The following DOK6 variants were observed in gnomAD, a reference collection of about 807,000 sequenced individuals.
The protein encoded by DOK6 is downstream of tyrosine kinase 6.
DOK6 carries 22 observed loss-of-function variants against 44.0 expected under a neutral mutation model. The ratio of observed to expected loss-of-function variants is 0.50; its 90% CI spans 0.36 to 0.71. The LOEUF (loss-of-function observed/expected upper bound fraction) is 0.71. DOK6 is among the 30% of genes least tolerant of loss of function. The pLI, the probability that DOK6 is intolerant of heterozygous loss-of-function variation, is 0.00. For synonymous variants in DOK6, 166 were observed against 145.5 expected (o/e 1.14, Z -1.01); for missense variants, 340 against 416.4 (o/e 0.82, Z 1.60).
chr18:69,730,251 T>A (rs1052508255), intron 5 of DOK6, among the ~76,000 whole-genome samples: 1 of 152,218 alleles, frequency 6.6e-6, no homozygotes, highest in South Asian at 2.1e-4. Context: ...CCAGCCTCTA[T>A]AGGTTTTATT....
rs181589324 is a variant in DOK6 at position 69,733,354 on chromosome 18, A to C, written c.600-5611A>C. On this transcript the variant is annotated intron_variant, in intron 5 of 7. Coordinates refer to ENST00000382713, the MANE Select transcript of DOK6 (RefSeq NM_152721.6). ...TAGTAGGTTTTGTACATTCTTCCAGAGTTTAATGTACATACATGCAAAGAT... is the reference window on the plus strand; with the variant it reads ...TAGTAGGTTTTGTACATTCTTCCAGCGTTTAATGTACATACATGCAAAGAT... 4.6e-3 allele frequency among the ~76,000 whole-genome samples: 706 copies of C among 152,324 alleles called. 5 individuals carry two copies. The highest frequency in any genetic ancestry group is 0.016 in the African/African-American group (677 of 41,576).
At chr18:69,719,791 G>C (rs976092394) in intron 5 of DOK6, among the ~76,000 whole-genome samples, 1 of 152,152 alleles carries the variant, frequency 6.6e-6, no homozygotes, top group Non-Finnish European at 1.5e-5. Context: ...AGCAAATATG[G>C]TGTCAGCTAT....
chr18:69,835,750 G>T (rs1982037074), intron 7 of DOK6, among the ~76,000 whole-genome samples: 2 of 152,106 alleles, frequency 1.3e-5, no homozygotes, highest in Admixed American at 6.6e-5. Flanking sequence ...AGATGACTTT[G>T]TTATTTATTT....
chr18:69,729,955 CAT>C (rs1310744705), intron 5 of DOK6, among the ~76,000 whole-genome samples: 3 of 151,930 alleles, frequency 2.0e-5, no homozygotes, highest in African/African-American at 4.8e-5. Context: ...ACAAAAGAAA[CAT>C]ATGTTAAGAT....
Position 69,843,763 on chromosome 18 carries a change from A to G in DOK6, c.*2380A>G, listed in dbSNP as rs908649812. The G allele has an allele frequency of 2.0e-5, 3 of 152,236 alleles. No homozygotes were observed. Among genetic ancestry groups the G allele is most frequent in the Non-Finnish European group, 2.9e-5 (2 of 68,036 alleles). 9.4% of individuals were successfully genotyped at this position (152,236 alleles called of 1,614,324 possible). On this transcript the variant is annotated 3_prime_UTR_variant, in exon 8 of 8. Coordinates refer to ENST00000382713, the MANE Select transcript of DOK6 (RefSeq NM_152721.6). ...TCATTCTGAAAATGATGTCGTAAAA[A>G]GAGTATGTGTGAGAGAAATCTCCTT... is the stretch of plus-strand genomic sequence containing the variant.
intron 5 of DOK6, among the ~76,000 whole-genome samples, chr18:69,732,880 C>T (rs777195481): frequency 2.6e-5 from 4 of 152,152 alleles, no homozygotes; most frequent in Non-Finnish European, 4.4e-5. Context: ...ATTCTCACAC[C>T]GCTAAGAAGA....
chr18:69,586,558 C>T (rs995950759), intron 2 of DOK6, among the ~76,000 whole-genome samples: 4 of 152,178 alleles, frequency 2.6e-5, no homozygotes, highest in Non-Finnish European at 5.9e-5. Flanking sequence ...CCCATCTGAA[C>T]GTTTGAATGA....
intron 1 of DOK6, among the ~76,000 whole-genome samples, chr18:69,512,686 T>C (rs920282922): frequency 6.6e-6 from 1 of 152,120 alleles, no homozygotes; most frequent in African/African-American, 2.4e-5. Flanking sequence ...TCGTTTTTAA[T>C]AGTGGGGGTG....
At chr18:69,614,744 C>T (rs1249954116) in intron 3 of DOK6, among the ~76,000 whole-genome samples, 1 of 151,260 alleles carries the variant, frequency 6.6e-6, no homozygotes, top group Non-Finnish European at 1.5e-5. Context: ...GTGAATGGAG[C>T]CTACTGTAAA....
intron 7 of DOK6, among the ~76,000 whole-genome samples, chr18:69,838,251 A>C (rs1284754243): frequency 6.6e-6 from 1 of 151,832 alleles, no homozygotes; most frequent in Non-Finnish European, 1.5e-5. Flanking sequence ...AAAAAAAAAA[A>C]AACAGGATAA....
intron 1 of DOK6, among the ~76,000 whole-genome samples, chr18:69,409,448 T>C (rs538779695): frequency 3.3e-5 from 5 of 152,356 alleles, no homozygotes; most frequent in East Asian, 1.9e-4. Context: ...TGTACACACA[T>C]ATATACATAT....
At chr18:69,449,609 G>T (rs981531648) in intron 1 of DOK6, among the ~76,000 whole-genome samples, 7 of 152,196 alleles carry the variant, frequency 4.6e-5, no homozygotes, top group Admixed American at 1.3e-4. Flanking sequence ...TGGGGGCAGG[G>T]CACAGACAAA....
chr18:69,826,329 A>C (rs1981739545), intron 7 of DOK6, among the ~76,000 whole-genome samples: 1 of 152,230 alleles, frequency 6.6e-6, no homozygotes, highest in South Asian at 2.1e-4. Flanking sequence ...AACATGGACC[A>C]GAATATTGTA....
At chr18:69,557,759 C>T (rs1472578045) in intron 1 of DOK6, among the ~76,000 whole-genome samples, 1 of 152,086 alleles carries the variant, frequency 6.6e-6, no homozygotes, top group Non-Finnish European at 1.5e-5. Flanking sequence ...GTTAATCCCC[C>T]AGGATAAAGT....
At position 69,710,804 on chromosome 18, in the gene DOK6, G is replaced by T. The variant is rs1986737827; in HGVS notation, c.599+12211G>T. On this transcript the variant is annotated intron_variant, in intron 5 of 7. Coordinates refer to ENST00000382713, the MANE Select transcript of DOK6 (RefSeq NM_152721.6). ...CCGATTAAACTACAAATAAAATTGG[G>T]TATTTTTTGTTTGCTTATTTTACCA... Among the ~76,000 whole-genome samples the T allele has an allele frequency of 2.0e-5, 3 of 152,300 alleles. No homozygotes were observed. In the South Asian group the frequency reaches 6.2e-4, roughly 32 times the overall value.
rs116392643 is a variant in DOK6, at chr18:69,547,702, C to T, written c.67-16785C>T. ...TTACAACCAATGTCTCTTCATCCAC[C>T]CTCATCCATACACCCTTCTTAGCCT... On this transcript the variant is annotated intron_variant, in intron 1 of 7. Coordinates refer to ENST00000382713, the MANE Select transcript of DOK6 (RefSeq NM_152721.6). Among the ~76,000 whole-genome samples, 1,099 of 150,956 alleles carry T rather than the reference C, an allele frequency of 7.3e-3. 22 individuals are homozygous for T. The highest frequency in any genetic ancestry group is 0.026 in the African/African-American group (1,065 of 41,366).
At chr18:69,421,399 TAG>T (rs922617959) in intron 1 of DOK6, among the ~76,000 whole-genome samples, 49 of 152,242 alleles carry the variant, frequency 3.2e-4, no homozygotes, top group African/African-American at 1.2e-3. Flanking sequence ...ACTTTGGAAA[TAG>T]AGACATTTGG....
chr18:69,514,784 C>T (rs1981469949), intron 1 of DOK6, among the ~76,000 whole-genome samples: 1 of 150,890 alleles, frequency 6.6e-6, no homozygotes, highest in South Asian at 2.1e-4. Flanking sequence ...TATTATTATA[C>T]AACATGCTAC....
At chr18:69,478,129 G>A (rs566122905) in intron 1 of DOK6, among the ~76,000 whole-genome samples, 9 of 152,214 alleles carry the variant, frequency 5.9e-5, no homozygotes, top group African/African-American at 1.7e-4. Flanking sequence ...ACTTAAATAC[G>A]TGTGTGTTTA....
Sources: gnomAD v4.1 joint callset for allele counts (sites outside exome capture counted in the v4.1 genomes callset) on GRCh38, gnomAD v4.1.1 for gene constraint, MANE v1.5 for transcripts, NCBI Gene and HGNC (gene_info 2026-07-23, HGNC 2026-07-21) for gene names.